Variants in PRKAG2 observed in about 807,000 individuals in gnomAD.
PRKAG2 encodes protein kinase AMP-activated non-catalytic subunit gamma 2.
Under a neutral mutation model 69.6 loss-of-function variants are expected in PRKAG2, and 26 were observed. The observed-to-expected ratio is 0.37, with a 90% CI of 0.27 to 0.52. The LOEUF is 0.52. Ranked by LOEUF, PRKAG2 falls within the 20% of genes least tolerant of loss-of-function variation. The pLI is 0.90. For synonymous variants in PRKAG2, 293 were observed against 285.0 expected (o/e 1.03, Z -0.28); for missense variants, 557 against 740.0 (o/e 0.75, Z 2.87).
intron 1 of PRKAG2, among the ~76,000 whole-genome samples, chr7:151,798,677 A>G (rs1482255708): frequency 6.6e-6 from 1 of 152,152 alleles, no homozygotes; most frequent in African/African-American, 2.4e-5. Flanking sequence ...TGCATTAGAT[A>G]AGCTTTGAAA....
intron 3 of PRKAG2, among the ~76,000 whole-genome samples, chr7:151,715,774 G>A (rs1586006839): frequency 2.0e-5 from 3 of 152,238 alleles, no homozygotes; most frequent in Admixed American, 2.0e-4. Flanking sequence ...GGGAGGCAGC[G>A]AACAGGAAAG....
At chr7:151,686,615 T>C (rs1362642793) in intron 3 of PRKAG2, among the ~76,000 whole-genome samples, 2 of 152,186 alleles carry the variant, frequency 1.3e-5, no homozygotes, top group Admixed American at 1.3e-4. Flanking sequence ...GCTCTGAATG[T>C]TCCTAAAAGA....
chr7:151,566,838 A>C (rs1806371018), intron 11 of PRKAG2, among the ~76,000 whole-genome samples: 1 of 152,190 alleles, frequency 6.6e-6, no homozygotes, highest in South Asian at 2.1e-4. Context: ...TTTTTCTCAG[A>C]AAATGATCTC....
intron 1 of PRKAG2, among the ~76,000 whole-genome samples, chr7:151,795,860 T>G (rs4076596): frequency 2.9e-5 from 3 of 104,514 alleles, no homozygotes; most frequent in African/African-American, 1.2e-4. Flanking sequence ...TATATATATA[T>G]ATATATATAT....
At position 151,597,967 on chromosome 7, in the gene PRKAG2, C is replaced by G. The variant is rs1168454944; in HGVS notation, c.755-2513G>C. On this transcript the variant is annotated intron_variant, in intron 5 of 15. Transcript: ENST00000287878. ...GCAATCCCACTACCGGGTATATACC[C>G]AAAGGAAATGAAATCAGAGTGTTCA... is the stretch of plus-strand genomic sequence containing the variant. Among the ~76,000 whole-genome samples, 5 of 152,060 alleles carry G rather than the reference C, an allele frequency of 3.3e-5. No homozygotes were observed. The East Asian group carries it at 9.6e-4, about 29-fold the overall frequency.
intron 1 of PRKAG2, among the ~76,000 whole-genome samples, chr7:151,813,708 T>C (rs1455901682): frequency 1.3e-5 from 2 of 152,156 alleles, no homozygotes; most frequent in South Asian, 2.1e-4. Context: ...GTTCAGCCAC[T>C]GAGGAGGCCA....
chr7:151,736,095 C>T (rs1310034930), intron 3 of PRKAG2: 3 of 1,516,576 alleles, frequency 2.0e-6, no homozygotes, highest in African/African-American at 1.4e-5. Flanking sequence ...ATCAGCCCGA[C>T]AGGCACAGGG....
In PRKAG2 at chr7:151,780,690, G is replaced by T. The variant is rs374717729; in HGVS notation, c.466+462C>A. ...CCCCAAACAGAAAAAGTTAGGATTT[G>T]CCAGAAACAGGTGTAGTCAAACCCT... On this transcript the variant is annotated intron_variant, in intron 3 of 15. Coordinates refer to ENST00000287878, the MANE Select transcript of PRKAG2 (RefSeq NM_016203.4). This position sits in a 1 kb window ranked among gnomAD's most constrained non-coding sequence, Gnocchi z 4.2. Among the ~76,000 whole-genome samples, 30 of 152,276 alleles carry T rather than the reference G, an allele frequency of 2.0e-4. No homozygotes were observed. The highest frequency in any genetic ancestry group is 7.2e-4 in the African/African-American group (30 of 41,540).
At position 151,576,442 on chromosome 7, in the gene PRKAG2, G is replaced by T. The variant is rs989868638; in HGVS notation, c.875C>A (p.Ala292Asp). The T allele has an allele frequency of 6.2e-7, 1 of 1,603,174 alleles. No homozygotes were observed. Among genetic ancestry groups the T allele is most frequent in the Non-Finnish European group, 8.5e-7 (1 of 1,170,374 alleles). The change falls in exon 7 of 16, where the codon GCC becomes GAC. Residue 292 changes from alanine (A) to aspartate (D), a missense_variant. Ala to Asp is a moderately radical substitution (Grantham distance 126, BLOSUM62 -2). Transcript: ENST00000287878. ...ACCGTTGGCTACCAAAGCAAAGAAG[G>T]CCTTTTTAACCTGAAGAAAAAGAGG... ...VFDTTLQVKK[A>D]FFALVANGVR...
At chr7:151,644,227 C>T (rs1482779258) in intron 4 of PRKAG2, among the ~76,000 whole-genome samples, 1 of 151,818 alleles carries the variant, frequency 6.6e-6, no homozygotes, top group Non-Finnish European at 1.5e-5. Flanking sequence ...ACCTGTATGC[C>T]AATAACTTAT....
At chr7:151,861,527 CCAAA>C (rs2079923973) in intron 1 of PRKAG2, among the ~76,000 whole-genome samples, 4 of 60,394 alleles carry the variant, frequency 6.6e-5, no homozygotes, top group Admixed American at 1.8e-4. Context: ...GACTCTGTCT[CCAAA>C]AAAAAAAAAA....
At chr7:151,765,783 A>G (rs2075704175) in intron 3 of PRKAG2, among the ~76,000 whole-genome samples, 1 of 152,208 alleles carries the variant, frequency 6.6e-6, no homozygotes, top group South Asian at 2.1e-4. Flanking sequence ...ATTAAATGAA[A>G]TCCTACAGTG....
intron 6 of PRKAG2, among the ~76,000 whole-genome samples, chr7:151,585,062 G>T (rs1811320378): frequency 6.6e-6 from 1 of 152,124 alleles, no homozygotes; most frequent in Admixed American, 6.5e-5. Flanking sequence ...GAAAGCGAGA[G>T]CCACAAAAGC....
chr7:151,741,378 A>T (rs1376743028), intron 3 of PRKAG2, among the ~76,000 whole-genome samples: 1 of 151,802 alleles, frequency 6.6e-6, no homozygotes, highest in Non-Finnish European at 1.5e-5. Context: ...AATACAACGG[A>T]CAGAAAGAAC....
At chr7:151,863,255 G>A (rs1178578395) in intron 1 of PRKAG2, among the ~76,000 whole-genome samples, 1 of 151,724 alleles carries the variant, frequency 6.6e-6, no homozygotes, top group African/African-American at 2.4e-5. Context: ...GCACTGGTAA[G>A]TCCCCGGGTA....
chr7:151,818,420 C>G (rs947030167), intron 1 of PRKAG2, among the ~76,000 whole-genome samples: 17 of 151,956 alleles, frequency 1.1e-4, no homozygotes, highest in African/African-American at 3.9e-4. Context: ...AAGTCAAATG[C>G]TGCATGCCAA....
intron 5 of PRKAG2, among the ~76,000 whole-genome samples, chr7:151,617,619 G>A (rs1820495075): frequency 6.6e-6 from 1 of 151,878 alleles, no homozygotes; most frequent in Non-Finnish European, 1.5e-5. Context: ...GCATTGTTGA[G>A]TTTTTTTAAA....
chr7:151,770,511 C>T (rs1563634269), intron 3 of PRKAG2, among the ~76,000 whole-genome samples: 2 of 152,228 alleles, frequency 1.3e-5, no homozygotes, highest in Non-Finnish European at 2.9e-5. Context: ...CAGCATCTGG[C>T]TAGAGACTAT....
In PRKAG2 at chr7:151,876,707, C is replaced by T; in HGVS notation, c.-87G>A. The T allele has an allele frequency of 1.5e-6, 2 of 1,312,596 alleles. No individual in the cohort carries two copies. The highest frequency in any genetic ancestry group is 2.4e-5 in the East Asian group (1 of 41,350). The allele number at this position is 1,312,596 out of a possible 1,614,324, so 81.3% of individuals were successfully genotyped here. ...CCCGGCCGCTGCCTTCGGACTGGAGCCGCGCGCTCTGTTACACCCTGAAGC... is the reference window on the plus strand; with the variant it reads ...CCCGGCCGCTGCCTTCGGACTGGAGTCGCGCGCTCTGTTACACCCTGAAGC... On this transcript the variant is annotated 5_prime_UTR_variant, in exon 1 of 16. Coordinates refer to ENST00000287878, the MANE Select transcript of PRKAG2 (RefSeq NM_016203.4).
Sources: allele counts gnomAD v4.1 joint callset (sites outside exome capture counted in the v4.1 genomes callset), GRCh38; gene constraint gnomAD v4.1.1; non-coding constraint Gnocchi (gnomAD v3.1); transcripts MANE v1.5; gene names NCBI Gene and HGNC (gene_info 2026-07-23, HGNC 2026-07-21).